MCF2L: variants seen among roughly 807,000 people sequenced by gnomAD.
The protein encoded by MCF2L is guanine nucleotide exchange factor DBS.
Under a neutral mutation model 153.4 loss-of-function variants are expected in MCF2L, and 97 were observed. The ratio of observed to expected loss-of-function variants is 0.63; its 90% CI spans 0.54 to 0.75. MCF2L has a LOEUF of 0.75. Ranked by LOEUF, MCF2L falls within the 30% of genes least tolerant of loss-of-function variation. MCF2L has a pLI of 0.00. For synonymous variants in MCF2L, 659 were observed against 632.2 expected (o/e 1.04, Z -0.64); for missense variants, 1,347 against 1,495.2 (o/e 0.90, Z 1.64).
At chr13:112,908,731 G>GGTTT (rs1555349037) in intron 2 of MCF2L, among the ~76,000 whole-genome samples, 26 of 59,498 alleles carry the variant, frequency 4.4e-4, no homozygotes, top group Admixed American at 7.3e-4. Flanking sequence ...GTTTTGTTTT[G>GGTTT]GTTTTTTTTT....
intron 1 of MCF2L, among the ~76,000 whole-genome samples, chr13:112,999,072 G>A (rs1566710244): frequency 2.0e-5 from 3 of 152,222 alleles, no homozygotes; most frequent in African/African-American, 7.2e-5. Flanking sequence ...CATTACTGTG[G>A]CCCCCCAGGG....
At chr13:112,948,034 G>A (rs2081655356) in intron 2 of MCF2L, among the ~76,000 whole-genome samples, 1 of 152,228 alleles carries the variant, frequency 6.6e-6, no homozygotes, top group Non-Finnish European at 1.5e-5. Context: ...CCATAGCTGT[G>A]TGACCAAGGA....
At chr13:113,076,247 A>G (rs2033463523) in intron 12 of MCF2L, 90 bp downstream of exon 12, 4 of 907,990 alleles carry the variant, frequency 4.4e-6, no homozygotes, top group Non-Finnish European at 6.3e-6. Flanking sequence ...TCATTTAATG[A>G]ATTATTTGTA....
intron 2 of MCF2L, chr13:112,909,463 C>G: frequency 1.6e-6 from 1 of 611,086 alleles, no homozygotes; most frequent in South Asian, 2.0e-5. Context: ...GTGCAAACGT[C>G]TTCGTCAGGA....
At chr13:113,061,040 G>C (rs1196036713) in intron 5 of MCF2L, among the ~76,000 whole-genome samples, 1 of 152,116 alleles carries the variant, frequency 6.6e-6, no homozygotes, top group Admixed American at 6.6e-5. Context: ...GACCCTAAGG[G>C]CTGAGAGTCC....
chr13:113,078,885 C>A, intron 15 of MCF2L, 146 bp downstream of exon 15: 4 of 769,454 alleles, frequency 5.2e-6, no homozygotes, highest in Non-Finnish European at 8.3e-6. Flanking sequence ...CCAACCGATA[C>A]CCAGAGGGCC....
At chr13:112,925,649 G>A (rs547219750) in intron 2 of MCF2L, among the ~76,000 whole-genome samples, 1 of 152,246 alleles carries the variant, frequency 6.6e-6, no homozygotes, top group African/African-American at 2.4e-5. Flanking sequence ...GCTACCTCTT[G>A]GGAAATATTG....
rs1363243512 is a variant in MCF2L, at chr13:113,045,305, A to G, written c.313A>G (p.Ile105Val). 37 of 1,614,068 alleles carry G rather than the reference A, an allele frequency of 2.3e-5. No individual in the cohort carries two copies. The highest frequency in any genetic ancestry group is 3.1e-5 in the Non-Finnish European group (37 of 1,180,018). ...QDAGIGFILV[I>V]DRRRDKWTSV... ...CGCTGGCATCGGATTCATCCTGGTG[A>G]TAGACCGGCGACGGGACAAATGGAC... Residue 105 changes from isoleucine (I) to valine (V), a missense_variant, in exon 4 of 30, where the codon ATA becomes GTA. Physicochemically the swap from Ile to Val is conservative, Grantham distance 29 (BLOSUM62 3). Coordinates refer to ENST00000535094, the MANE Select transcript of MCF2L (RefSeq NM_001112732.3). The surrounding 1 kb of genome is among the most constrained non-coding windows in gnomAD (Gnocchi z 4.2).
intron 15 of MCF2L, among the ~76,000 whole-genome samples, chr13:113,079,826 G>A (rs200822343): frequency 1.4e-3 from 5 of 3,660 alleles, no homozygotes; most frequent in African/African-American, 1.8e-3. Context: ...AATGGAGGAG[G>A]GTCCAGGCAG....
intron 1 of MCF2L, among the ~76,000 whole-genome samples, chr13:112,994,291 C>T (rs962180635): frequency 6.7e-6 from 1 of 148,340 alleles, no homozygotes; most frequent in African/African-American, 2.5e-5. Context: ...CGTGACGGGG[C>T]GCGGCGCGTG....
intron 1 of MCF2L, among the ~76,000 whole-genome samples, chr13:112,899,665 C>T (rs1159037875): frequency 1.3e-5 from 2 of 152,182 alleles, no homozygotes; most frequent in Non-Finnish European, 2.9e-5. Flanking sequence ...CCCCAAGACT[C>T]CTGGCCCCAG....
At chr13:112,908,499 C>T (rs1165678582) in intron 2 of MCF2L, among the ~76,000 whole-genome samples, 1 of 152,224 alleles carries the variant, frequency 6.6e-6, no homozygotes, top group African/African-American at 2.4e-5. Flanking sequence ...CCAAGAGCCC[C>T]TTCTCAGAGC....
At position 113,096,852 on chromosome 13, in the gene MCF2L, AG is replaced by A; in HGVS notation, c.3375del (p.Ter1126SerfsTer170). 1 of 1,468,578 alleles carries A rather than the reference AG, an allele frequency of 6.8e-7. No homozygotes were observed. The highest frequency in any genetic ancestry group is 8.9e-7 in the Non-Finnish European group (1 of 1,119,112). The allele number at this position is 1,468,578 out of a possible 1,614,324, so 91.0% of individuals were successfully genotyped here. On this transcript the variant is annotated frameshift_variant, in exon 30 of 30. Coordinates refer to ENST00000535094, the MANE Select transcript of MCF2L (RefSeq NM_001112732.3). LOFTEE classifies it high-confidence loss of function. ...GGCCAGGCCCCCTTCTCCGACCTGC[AG>A]GGGTAGCGCGGCCTCGGCGCCGGAG... The part of the protein sequence containing the change: ...EGGQAPFSDL[Q>X]G
chr13:113,039,528 C>T lies in MCF2L; in HGVS notation c.279-5743C>T, dbSNP rs562748373. On this transcript the variant is annotated intron_variant, in intron 3 of 29. Coordinates refer to ENST00000535094, the MANE Select transcript of MCF2L (RefSeq NM_001112732.3). ...AAAATGAACCATGAAGAGATCGACA[C>T]GGAAAGCCACAGTGTGGAAGCAGAT... 2.6e-5 allele frequency among the ~76,000 whole-genome samples: 4 copies of T among 152,254 alleles called. No individual in the cohort carries two copies. In the East Asian group the frequency reaches 5.8e-4, roughly 22 times the overall value.
intron 2 of MCF2L, among the ~76,000 whole-genome samples, chr13:113,016,345 C>T (rs529908481): frequency 3.9e-5 from 6 of 152,282 alleles, no homozygotes; most frequent in Admixed American, 2.6e-4. Context: ...CTGACCAGGA[C>T]AAGAGCCGCC....
chr13:113,089,184 C>T, intron 25 of MCF2L, among the ~76,000 whole-genome samples: 1 of 135,118 alleles, frequency 7.4e-6, no homozygotes, highest in African/African-American at 2.7e-5. Context: ...CCCCCCCGCC[C>T]CCCGAAAAAA....
intron 2 of MCF2L, among the ~76,000 whole-genome samples, chr13:112,916,533 C>A (rs114334086): frequency 6.6e-6 from 1 of 152,216 alleles, no homozygotes; most frequent in Non-Finnish European, 1.5e-5. Context: ...CCCAGCGTCA[C>A]GCCCTGACCC....
At chr13:112,952,207 G>T (rs777688408) in intron 2 of MCF2L, among the ~76,000 whole-genome samples, 1 of 152,172 alleles carries the variant, frequency 6.6e-6, no homozygotes, top group Non-Finnish European at 1.5e-5. Flanking sequence ...ATTCAGAGCC[G>T]GGCAGAGGGA....
At chr13:113,048,045 T>G (rs751241537) in intron 4 of MCF2L, among the ~76,000 whole-genome samples, 2 of 152,222 alleles carry the variant, frequency 1.3e-5, no homozygotes, top group Non-Finnish European at 2.9e-5. Context: ...TTTTAAGAAA[T>G]ACAAAAATCA....
Sources: gnomAD v4.1 joint callset for allele counts (sites outside exome capture counted in the v4.1 genomes callset) on GRCh38, gnomAD v4.1.1 for gene constraint, Gnocchi (gnomAD v3.1) non-coding constraint, MANE v1.5 for transcripts, NCBI Gene and HGNC (gene_info 2026-07-23, HGNC 2026-07-21) for gene names.